The following SV2C variants were observed in gnomAD, a reference collection of about 807,000 sequenced individuals.
The protein encoded by SV2C is solute carrier family 22 member B3.
A neutral mutation model predicts 79.7 loss-of-function variants in SV2C; 49 were observed. The observed-to-expected ratio is 0.61, with a 90% confidence interval of 0.49 to 0.78. The LOEUF (loss-of-function observed/expected upper bound fraction) is 0.78. Ranked by LOEUF, SV2C falls within the 30% of genes least tolerant of loss-of-function variation. The pLI is 0.00. For synonymous variants in SV2C, 334 were observed against 333.2 expected, an observed-to-expected ratio of 1.00 and a Z score of -0.03; for missense variants, 833 against 912.9, an observed-to-expected ratio of 0.91 and a Z score of 1.13.
chr5:76,295,655 C>T (rs1580040592), intron 8 of SV2C, 123 bp from the exon 9 acceptor site: 4 of 872,178 alleles, frequency 4.6e-6, no homozygotes, highest in Non-Finnish European at 1.7e-6. Flanking sequence ...ATGAATTACT[C>T]ATAATGTTAT....
intron 4 of SV2C, among the ~76,000 whole-genome samples, chr5:76,271,763 G>C (rs2972834): frequency 0.16 from 24,334 of 151,796 alleles, 2,412 homozygotes; most frequent in African/African-American, 0.28. Flanking sequence ...CATCGCGCCC[G>C]GCGTATGTGC....
chr5:76,252,952 TA>T (rs1270990700), intron 4 of SV2C, among the ~76,000 whole-genome samples: 1 of 152,276 alleles, frequency 6.6e-6, no homozygotes, highest in Non-Finnish European at 1.5e-5. Context: ...AATACAACTT[TA>T]TTTTTTAGTT....
chr5:75,939,554 C>T, the SV2C span, among the ~76,000 whole-genome samples: 7 of 152,078 alleles, frequency 4.6e-5, no homozygotes, highest in Admixed American at 2.0e-4. Context: ...GGACACAATT[C>T]GGTCCAAAGC....
chr5:76,285,020 A>G, intron 4 of SV2C, 142 bp from the exon 5 acceptor site: 1 of 1,246,860 alleles, frequency 8.0e-7, no homozygotes, highest in Non-Finnish European at 1.1e-6. Flanking sequence ...GCTGGCCACC[A>G]TGGATGATGC....
intron 2 of SV2C, among the ~76,000 whole-genome samples, chr5:76,136,459 G>A (rs1445905444): frequency 1.3e-5 from 2 of 152,008 alleles, no homozygotes; most frequent in East Asian, 1.9e-4. Flanking sequence ...TGTGATCTGT[G>A]TCATTCAGGA....
upstream of SV2C, chr5:76,079,131 C>A (rs765026408): frequency 2.4e-5 from 8 of 336,030 alleles, 1 homozygote; most frequent in South Asian, 1.9e-4. Flanking sequence ...CAATTCTACA[C>A]TAGAAGCAAT....
At chr5:76,246,339 G>A (rs897106514) in intron 4 of SV2C, among the ~76,000 whole-genome samples, 1 of 152,148 alleles carries the variant, frequency 6.6e-6, no homozygotes, top group African/African-American at 2.4e-5. Context: ...TATCTAAATA[G>A]AAAAATAAGT....
upstream of SV2C, chr5:76,078,733 T>C: frequency 1.8e-6 from 1 of 559,884 alleles, no homozygotes; most frequent in Non-Finnish European, 3.6e-6. Flanking sequence ...AAGACCATTC[T>C]AAAAGGCCTC....
chr5:76,166,321 G>C (rs1743045844), intron 2 of SV2C, among the ~76,000 whole-genome samples: 1 of 152,168 alleles, frequency 6.6e-6, no homozygotes, highest in African/African-American at 2.4e-5. Flanking sequence ...AAGAAGGAGA[G>C]AGAAGAAGAA....
At chr5:75,931,230 G>T in the SV2C span, among the ~76,000 whole-genome samples, 1 of 152,218 alleles carries the variant, frequency 6.6e-6, no homozygotes, top group Non-Finnish European at 1.5e-5. Flanking sequence ...CTTCAATTCT[G>T]CAGCTTTTCC....
At chr5:76,198,253 G>A (rs1441967972) in intron 3 of SV2C, among the ~76,000 whole-genome samples, 1 of 152,156 alleles carries the variant, frequency 6.6e-6, no homozygotes, top group East Asian at 1.9e-4. Context: ...GGTGTTGGAG[G>A]TGGGGCCTGA....
At chr5:76,214,023 T>C (rs894970219) in intron 4 of SV2C, among the ~76,000 whole-genome samples, 1 of 152,236 alleles carries the variant, frequency 6.6e-6, no homozygotes, top group East Asian at 1.9e-4. Context: ...GGTTCATTCA[T>C]GTTGTTACAA....
chr5:75,958,014 A>G, the SV2C span, among the ~76,000 whole-genome samples: 1 of 152,082 alleles, frequency 6.6e-6, no homozygotes, highest in East Asian at 1.9e-4. Context: ...ACAGAAGGAT[A>G]CTCTAAAATA....
chr5:76,074,489 A>G, the SV2C span, among the ~76,000 whole-genome samples: 1 of 152,230 alleles, frequency 6.6e-6, no homozygotes, highest in African/African-American at 2.4e-5. Flanking sequence ...TTATTGGCCT[A>G]TAAAGCAAAC....
At chr5:76,086,118 C>A (rs566019964) in intron 1 of SV2C, among the ~76,000 whole-genome samples, 15 of 152,304 alleles carry the variant, frequency 9.8e-5, no homozygotes, top group Non-Finnish European at 1.0e-4. Flanking sequence ...CTGATCTGAG[C>A]AGCAGACTGG....
the SV2C span, among the ~76,000 whole-genome samples, chr5:75,975,177 T>C: frequency 6.6e-6 from 1 of 152,168 alleles, no homozygotes; most frequent in Non-Finnish European, 1.5e-5. Flanking sequence ...TATTGCAGGA[T>C]AGGTGATTTT....
At chr5:76,031,916 A>G in the SV2C span, among the ~76,000 whole-genome samples, 3 of 152,208 alleles carry the variant, frequency 2.0e-5, no homozygotes, top group Non-Finnish European at 2.9e-5. Context: ...GGCTGCCTTG[A>G]GTTCCCTGAG....
rs893779991 is a variant in SV2C, at chr5:76,339,904, C to T, written c.2001-13226C>T. ...AGGCTGAGACCTATTGGGCTGCATTCCCAGGAGGTTAAGGCATTCTAAGTC... is the reference window on the plus strand; with the variant it reads ...AGGCTGAGACCTATTGGGCTGCATTTCCAGGAGGTTAAGGCATTCTAAGTC... On this transcript the variant is annotated intron_variant, in intron 12 of 12. Transcript: ENST00000322285. Among the ~76,000 whole-genome samples, 5 of 151,906 alleles carry T rather than the reference C, an allele frequency of 3.3e-5. No individual in the cohort carries two copies. In the East Asian group the frequency reaches 9.7e-4, roughly 29 times the overall value.
chr5:76,054,866 T>G, the SV2C span, among the ~76,000 whole-genome samples: 1 of 152,160 alleles, frequency 6.6e-6, no homozygotes, highest in Non-Finnish European at 1.5e-5. Flanking sequence ...TCTTGTAAAT[T>G]TGTTTGAGTT....
Sources: gnomAD v4.1 joint callset for allele counts (sites outside exome capture counted in the v4.1 genomes callset) on GRCh38, gnomAD v4.1.1 for gene constraint, MANE v1.5 for transcripts, NCBI Gene and HGNC (gene_info 2026-07-23, HGNC 2026-07-21) for gene names.